The following XPR1 variants were observed in gnomAD, a reference collection of about 807,000 sequenced individuals.
XPR1 encodes the protein solute carrier family 53 member 1.
In XPR1, 28 loss-of-function variants were observed where a neutral mutation model predicts 87.5. That is an observed-to-expected ratio of 0.32 (90% CI 0.24 to 0.44). The LOEUF is 0.44. Among genes scored for constraint, XPR1 ranks in the 20% least tolerant of loss-of-function variants. XPR1 has a pLI of 1.00. For missense variants in XPR1, 559 were observed against 862.3 expected (o/e 0.65, Z 4.41); for synonymous variants, 300 against 306.1 (o/e 0.98, Z 0.21).
rs957756662 is a variant in XPR1 at position 180,883,928 on chromosome 1, G to T, written c.2031-78G>T. ...TGTATGTTTAATGATGGTAAGACTG[G>T]AAATGTGTCTAATACTGTGAAAGTG... On this transcript the variant is annotated intron_variant, in intron 14 of 14. Transcript: ENST00000367590. 7 of 1,299,862 alleles carry T rather than the reference G, an allele frequency of 5.4e-6. No individual in the cohort carries two copies. In the Admixed American group the frequency reaches 9.1e-5, roughly 17 times the overall value. The allele number at this position is 1,299,862 out of a possible 1,614,324, so 80.5% of individuals were successfully genotyped here. A position where few individuals can be genotyped will look rare whatever the true frequency, so the allele number is the denominator to read the frequency against.
chr1:180,882,967 G>GTTTTTTTTTTTTTTTTTTTTT (rs1156645233), intron 14 of XPR1, among the ~76,000 whole-genome samples: 11 of 150,530 alleles, frequency 7.3e-5, no homozygotes, highest in African/African-American at 2.7e-4. Context: ...TTGGGGGTTG[G>GTTTTTTTTTTTTTTTTTTTTT]TTGTTTTTTT....
chr1:180,806,645 T>G, intron 6 of XPR1, 88 bp downstream of exon 6: 2 of 1,248,328 alleles, frequency 1.6e-6, no homozygotes, highest in Non-Finnish European at 2.2e-6. Context: ...TTAAAAAAAT[T>G]TTCAGCCAAA....
At chr1:180,832,185 A>G (rs145371431) in intron 9 of XPR1, among the ~76,000 whole-genome samples, 1 of 152,298 alleles carries the variant, frequency 6.6e-6, no homozygotes, top group African/African-American at 2.4e-5. Context: ...TTGGCTGCAT[A>G]AATGTCTTCT....
chr1:180,747,167 T>TA (rs1211825979), intron 2 of XPR1, among the ~76,000 whole-genome samples: 1 of 152,226 alleles, frequency 6.6e-6, no homozygotes, highest in Non-Finnish European at 1.5e-5. Flanking sequence ...AGCTAAGTGT[T>TA]ATTCAGTTTC....
intron 1 of XPR1, among the ~76,000 whole-genome samples, chr1:180,662,027 TTTTAC>T (rs1411549075): frequency 6.6e-6 from 1 of 152,232 alleles, no homozygotes; most frequent in African/African-American, 2.4e-5. Flanking sequence ...TTATATCTTA[TTTTAC>T]TATGTGTTGA....
chr1:180,661,513 GT>G (rs1163372118), intron 1 of XPR1, among the ~76,000 whole-genome samples: 1 of 108,000 alleles, frequency 9.3e-6, no homozygotes, highest in Non-Finnish European at 2.1e-5. Context: ...GTGTGTGTGT[GT>G]GTGTGGTATG....
At chr1:180,632,437 G>C (rs923659087) in intron 1 of XPR1, among the ~76,000 whole-genome samples, 167 bp downstream of exon 1, 1 of 152,108 alleles carries the variant, frequency 6.6e-6, no homozygotes, top group African/African-American at 2.4e-5. Flanking sequence ...GCCGCCTCCC[G>C]GCTCCGCTGT....
chr1:180,725,509 T>C (rs1446975611), intron 2 of XPR1, among the ~76,000 whole-genome samples: 2 of 152,248 alleles, frequency 1.3e-5, no homozygotes, highest in African/African-American at 4.8e-5. Flanking sequence ...TTTCTAGTAT[T>C]GTTGTACTTA....
At chr1:180,766,160 T>C (rs550468125) in intron 2 of XPR1, among the ~76,000 whole-genome samples, 1 of 152,298 alleles carries the variant, frequency 6.6e-6, no homozygotes, top group East Asian at 1.9e-4. Flanking sequence ...TTATTTAATA[T>C]CTGCATTTGT....
intron 1 of XPR1, among the ~76,000 whole-genome samples, chr1:180,678,250 A>G (rs1164629064): frequency 6.6e-6 from 1 of 152,202 alleles, no homozygotes; most frequent in Admixed American, 6.5e-5. Flanking sequence ...ATCCTATTCT[A>G]TTAGTGATTG....
At chr1:180,819,754 A>C (rs1650545980) in intron 7 of XPR1, among the ~76,000 whole-genome samples, 1 of 152,200 alleles carries the variant, frequency 6.6e-6, no homozygotes, top group South Asian at 2.1e-4. Flanking sequence ...GCGGTGGCTC[A>C]TGCCTGTAAT....
chr1:180,786,215 GC>G (rs1342709657), intron 2 of XPR1, among the ~76,000 whole-genome samples: 1 of 149,550 alleles, frequency 6.7e-6, no homozygotes, highest in African/African-American at 2.4e-5. Context: ...GATTCAGCAT[GC>G]TTTTTAGAAC....
rs751223491 is a variant in XPR1, at chr1:180,836,557, C to T, written c.1342C>T (p.Arg448Trp). 16 of 1,614,012 alleles carry T rather than the reference C, an allele frequency of 9.9e-6. No individual in the cohort carries two copies. Among genetic ancestry groups the T allele is most frequent in the Non-Finnish European group, 1.3e-5 (15 of 1,180,010 alleles). ...GICHKYTYGVRAIVQCIPAWL... is the reference protein window; with the variant it reads ...GICHKYTYGVWAIVQCIPAWL... ...TTGCCACAAATATACATATGGTGTG[C>T]GGGCCATTGTTCAGTGCATTCCTGC... The change falls in exon 11 of 15, where the codon CGG becomes TGG. Residue 448 changes from arginine to tryptophan, a missense_variant. Arg to Trp is a moderately radical substitution (Grantham distance 101, BLOSUM62 -3). Transcript: ENST00000367590.
intron 3 of XPR1, among the ~76,000 whole-genome samples, chr1:180,792,836 C>G (rs1223134988): frequency 6.6e-6 from 1 of 151,364 alleles, no homozygotes; most frequent in Non-Finnish European, 1.5e-5. Flanking sequence ...TCACTTTTTT[C>G]AAACCAGTTT....
chr1:180,719,187 T>C (rs951782049), intron 2 of XPR1, among the ~76,000 whole-genome samples: 1 of 152,246 alleles, frequency 6.6e-6, no homozygotes, highest in Non-Finnish European at 1.5e-5. Flanking sequence ...CATAGATTTA[T>C]TGAACCTGAG....
Position 180,825,193 on chromosome 1 carries a change from G to C in XPR1, c.983G>C (p.Cys328Ser). The C allele has an allele frequency of 6.2e-7, 1 of 1,613,220 alleles. No individual in the cohort carries two copies. The highest frequency in any genetic ancestry group is 8.5e-7 in the Non-Finnish European group (1 of 1,179,702). Residue 328 changes from cysteine (C) to serine (S), a missense_variant, in exon 9 of 15, where the codon TGC becomes TCC. Physicochemically the swap from Cys to Ser is moderately radical, Grantham distance 112. Coordinates refer to ENST00000367590, the MANE Select transcript of XPR1 (RefSeq NM_004736.4). ...EIAGFLGILW[C>S]LSLLACFFAP... is the part of the protein sequence containing the mutation. ...GCTGGATTCCTCGGGATATTGTGGT[G>C]CCTGAGCCTTCTGGCATGCTTCTTT...
At chr1:180,811,347 C>T in intron 6 of XPR1, 60 bp from the exon 7 acceptor site, 2 of 1,292,698 alleles carry the variant, frequency 1.5e-6, no homozygotes, top group South Asian at 1.2e-5. Flanking sequence ...TTTATTACAG[C>T]ATATAGTAAA....
intron 13 of XPR1, among the ~76,000 whole-genome samples, chr1:180,874,787 A>G (rs1337993883): frequency 6.6e-6 from 1 of 152,186 alleles, no homozygotes; most frequent in Non-Finnish European, 1.5e-5. Flanking sequence ...GAGCACTAAC[A>G]CTACCTTTGC....
At chr1:180,735,938 A>G (rs925326085) in intron 2 of XPR1, among the ~76,000 whole-genome samples, 1 of 152,184 alleles carries the variant, frequency 6.6e-6, no homozygotes, top group Admixed American at 6.5e-5. Flanking sequence ...GCATTCAGCA[A>G]CCAGTCATGA....
Sources: allele counts gnomAD v4.1 joint callset (sites outside exome capture counted in the v4.1 genomes callset), GRCh38; gene constraint gnomAD v4.1.1; transcripts MANE v1.5; gene names NCBI Gene and HGNC (gene_info 2026-07-23, HGNC 2026-07-21).